The following RRM1 variants were observed in gnomAD, a reference collection of about 807,000 sequenced individuals.
RRM1 encodes the protein ribonucleoside-diphosphate reductase large subunit.
RRM1 carries 19 observed loss-of-function variants against 101.5 expected under a neutral mutation model. The observed-to-expected ratio is 0.19, with a 90% CI of 0.13 to 0.27. RRM1 has a LOEUF of 0.27. Among genes scored for constraint, RRM1 ranks in the 10% least tolerant of loss-of-function variants. The pLI, the probability that RRM1 is intolerant of heterozygous loss-of-function variation, is 1.00. For missense variants in RRM1, 500 were observed against 962.9 expected (o/e 0.52, Z 6.36); for synonymous variants, 298 against 323.4 (o/e 0.92, Z 0.84).
intron 12 of RRM1, among the ~76,000 whole-genome samples, chr11:4,124,428 A>G (rs3794049): frequency 0.39 from 59,173 of 152,084 alleles, 14,139 homozygotes; most frequent in Non-Finnish European, 0.53. Flanking sequence ...TGAGTTAAAT[A>G]TACTGCTAAG....
At chr11:4,113,223 A>T (rs1025490872) in intron 7 of RRM1, among the ~76,000 whole-genome samples, 1 of 152,234 alleles carries the variant, frequency 6.6e-6, no homozygotes, top group Non-Finnish European at 1.5e-5. Flanking sequence ...CATTTTATGC[A>T]GTTTAATGCT....
intron 4 of RRM1, among the ~76,000 whole-genome samples, chr11:4,109,028 C>G (rs2094561995): frequency 6.6e-6 from 1 of 152,000 alleles, no homozygotes; most frequent in Non-Finnish European, 1.5e-5. Context: ...ACTTTGTAGC[C>G]TACAAAAACT....
In RRM1 at chr11:4,130,066, T is replaced by TTATA. The variant is rs746526097; in HGVS notation, c.1769+934_1769+937dup. Among the ~76,000 whole-genome samples, 64 of 32,990 alleles carry TTATA rather than the reference T, an allele frequency of 1.9e-3. 3 individuals are homozygous for TTATA. The highest frequency in any genetic ancestry group is 0.021 in the Middle Eastern group (1 of 48). 21.6% of individuals were successfully genotyped at this position (32,990 alleles called of 152,430 possible). A position where few individuals can be genotyped will look rare whatever the true frequency, so the allele number is the denominator to read the frequency against. On this transcript the variant is annotated intron_variant, in intron 15 of 18. Transcript: ENST00000300738. The stretch of plus-strand genomic sequence containing the variant: ...TTAAGAAAATGGACCTGTACTGTAT[T>TTATA]TATATATATATATATATATATTTTT...
intron 7 of RRM1, among the ~76,000 whole-genome samples, chr11:4,112,970 T>C (rs11031003): frequency 0.065 from 9,848 of 152,062 alleles, 400 homozygotes; most frequent in African/African-American, 0.12. Context: ...TTGATTAAGA[T>C]AAAAATATAT....
rs1010431646 is a variant in RRM1 at position 4,138,835 on chromosome 11, C to T, written c.*452C>T. On this transcript the variant is annotated 3_prime_UTR_variant, in exon 19 of 19. Transcript: ENST00000300738. Reference sequence around the variant, plus strand: ...GATAGGACCTTTATCTGGATATGGTCCTATAGGTTATTCTGAAATAAAGAT... The same window carrying T: ...GATAGGACCTTTATCTGGATATGGTTCTATAGGTTATTCTGAAATAAAGAT... 1 of 192,916 alleles carries T rather than the reference C, an allele frequency of 5.2e-6. No individual in the cohort carries two copies. Among genetic ancestry groups the T allele is most frequent in the African/African-American group, 2.3e-5 (1 of 43,150 alleles). The allele number at this position is 192,916 out of a possible 1,614,324, so 12.0% of individuals were successfully genotyped here. A position where few individuals can be genotyped will look rare whatever the true frequency, so the allele number is the denominator to read the frequency against.
chr11:4,098,661 C>T (rs2094546831), intron 1 of RRM1, among the ~76,000 whole-genome samples: 1 of 152,114 alleles, frequency 6.6e-6, no homozygotes, highest in African/African-American at 2.4e-5. Flanking sequence ...ATTCATAAAG[C>T]ATTTATTCAG....
In RRM1 at chr11:4,094,910, C is replaced by T; in HGVS notation, c.-103C>T. 1 of 1,249,868 alleles carries T rather than the reference C, an allele frequency of 8.0e-7. No homozygotes were observed. The highest frequency in any genetic ancestry group is 1.1e-6 in the Non-Finnish European group (1 of 872,538). The allele number at this position is 1,249,868 out of a possible 1,614,324, so 77.4% of individuals were successfully genotyped here. A position where few individuals can be genotyped will look rare whatever the true frequency, so the allele number is the denominator to read the frequency against. On this transcript the variant is annotated 5_prime_UTR_variant, in exon 1 of 19. Transcript: ENST00000300738. ...CTCCAGTTCTTTCCCCTGAGCAGCGCCTGGAACCTAACCCTTCCCACTCTG... is the reference window on the plus strand; with the variant it reads ...CTCCAGTTCTTTCCCCTGAGCAGCGTCTGGAACCTAACCCTTCCCACTCTG...
intron 12 of RRM1, among the ~76,000 whole-genome samples, chr11:4,126,384 T>A (rs146814883): frequency 6.6e-6 from 1 of 152,348 alleles, no homozygotes; most frequent in East Asian, 1.9e-4. Flanking sequence ...TGTAAAAAGC[T>A]AATTATAACA....
chr11:4,130,086 A>ATATATATATATTTTT (rs1202870487), intron 15 of RRM1, among the ~76,000 whole-genome samples: 2 of 99,446 alleles, frequency 2.0e-5, no homozygotes, highest in African/African-American at 1.1e-4. Context: ...ATATATATAT[A>ATATATATATATTTTT]TTTTTTTTTT....
intron 14 of RRM1, among the ~76,000 whole-genome samples, chr11:4,128,221 T>C (rs1382582238): frequency 1.3e-5 from 2 of 150,226 alleles, no homozygotes; most frequent in Admixed American, 1.3e-4. Context: ...GAGTGTGTGG[T>C]GTGATCTTAG....
intron 14 of RRM1, among the ~76,000 whole-genome samples, chr11:4,127,892 A>G (rs2094592476): frequency 6.6e-6 from 1 of 152,208 alleles, no homozygotes; most frequent in Non-Finnish European, 1.5e-5. Flanking sequence ...TCAGGAGTCC[A>G]GACTTAGCTT....
intron 6 of RRM1, 80 bp from the exon 7 acceptor site, chr11:4,111,820 C>A (rs968439874): frequency 8.6e-6 from 12 of 1,389,382 alleles, no homozygotes; most frequent in African/African-American, 2.9e-5. Context: ...CTTTTGGTGT[C>A]CTTTTCTGAA....
chr11:4,105,134 T>C (rs1320858672), intron 2 of RRM1, among the ~76,000 whole-genome samples: 1 of 152,208 alleles, frequency 6.6e-6, no homozygotes, highest in Non-Finnish European at 1.5e-5. Context: ...ATATGTAGTA[T>C]ACATTTTCTG....
Position 4,094,926 on chromosome 11 carries a change from T to G in RRM1, c.-87T>G, listed in dbSNP as rs1451797688. The G allele has an allele frequency of 6.3e-6, 9 of 1,420,326 alleles. No homozygotes were observed. In the African/African-American group the frequency reaches 9.9e-5, roughly 16 times the overall value. The allele number at this position is 1,420,326 out of a possible 1,614,324, so 88.0% of individuals were successfully genotyped here. A position where few individuals can be genotyped will look rare whatever the true frequency, so the allele number is the denominator to read the frequency against. ...TGAGCAGCGCCTGGAACCTAACCCTTCCCACTCTGTCACCTTCTCGATCCC... is the reference window on the plus strand; with the variant it reads ...TGAGCAGCGCCTGGAACCTAACCCTGCCCACTCTGTCACCTTCTCGATCCC... On this transcript the variant is annotated 5_prime_UTR_variant, in exon 1 of 19. Transcript: ENST00000300738.
At chr11:4,134,474 G>A (rs1349891338) in intron 17 of RRM1, among the ~76,000 whole-genome samples, 1 of 152,166 alleles carries the variant, frequency 6.6e-6, no homozygotes, top group Non-Finnish European at 1.5e-5. Context: ...TGCAGATAGA[G>A]GTGTCTGGCT....
At chr11:4,119,786 AT>A (rs933329631) in intron 8 of RRM1, 58 bp from the exon 9 acceptor site, 4 of 1,041,750 alleles carry the variant, frequency 3.8e-6, no homozygotes, top group African/African-American at 1.6e-5. Context: ...GAATGGGGCC[AT>A]TTTTTTCTTT....
chr11:4,127,311 G>A, intron 14 of RRM1, 55 bp downstream of exon 14: 1 of 1,113,202 alleles, frequency 9.0e-7, no homozygotes, highest in Non-Finnish European at 1.3e-6. Flanking sequence ...TGGGCTGAAT[G>A]GTGACCCCAC....
In RRM1 at chr11:4,121,748, C is replaced by T; in HGVS notation, c.1021C>T (p.Arg341Ter). 1 of 1,610,304 alleles carries T rather than the reference C, an allele frequency of 6.2e-7. No homozygotes were observed. Among genetic ancestry groups the T allele is most frequent in the Non-Finnish European group, 8.5e-7 (1 of 1,178,626 alleles). ...TTGGATTCCGGATCTCTTCATGAAA[C>T]GAGTGGAGACTAATCAGGTGAGAGA... Reference protein sequence around the residue: ...ALWIPDLFMKRVETNQDWSLM... With the variant: ...ALWIPDLFMK The change falls in exon 10 of 19, where the codon CGA (arginine) becomes TGA (stop). Residue 341 changes from arginine to a stop codon, truncating the protein, a stop_gained. Transcript: ENST00000300738. LOFTEE classifies it high-confidence loss of function.
chr11:4,109,984 G>A (rs950970435), intron 5 of RRM1, among the ~76,000 whole-genome samples: 7 of 152,012 alleles, frequency 4.6e-5, no homozygotes, highest in Non-Finnish European at 4.4e-5. Flanking sequence ...GTATTTTTGC[G>A]TTGATAGGCA....
Sources: gnomAD v4.1 joint callset for allele counts (sites outside exome capture counted in the v4.1 genomes callset) on GRCh38, gnomAD v4.1.1 for gene constraint, MANE v1.5 for transcripts, NCBI Gene and HGNC (gene_info 2026-07-23, HGNC 2026-07-21) for gene names.